Variants in MEGF11 observed in about 807,000 individuals in gnomAD.
MEGF11 encodes the protein multiple EGF like domains 11.
MEGF11 carries 126 observed loss-of-function variants against 146.6 expected under a neutral mutation model. The observed-to-expected ratio is 0.86, with a 90% CI of 0.74 to 1.00. The LOEUF is 1.00. MEGF11 is among the 50% of genes least tolerant of loss of function. MEGF11 has a pLI of 0.00. For synonymous variants in MEGF11, 532 were observed against 583.4 expected, an observed-to-expected ratio of 0.91 and a Z score of 1.27; for missense variants, 1,509 against 1,521.2, an observed-to-expected ratio of 0.99 and a Z score of 0.13.
At chr15:66,204,653 C>T (rs1230292317) in intron 1 of MEGF11, among the ~76,000 whole-genome samples, 3 of 152,146 alleles carry the variant, frequency 2.0e-5, no homozygotes, top group African/African-American at 7.2e-5. Flanking sequence ...GTCATGAGAA[C>T]TCAATAAACT....
At chr15:66,207,504 CT>C (rs1452503845) in intron 1 of MEGF11, among the ~76,000 whole-genome samples, 1 of 152,128 alleles carries the variant, frequency 6.6e-6, no homozygotes, top group Non-Finnish European at 1.5e-5. Context: ...TAAACAAAAA[CT>C]GACAGAACTC....
At chr15:66,127,393 G>A (rs1342703135) in intron 2 of MEGF11, among the ~76,000 whole-genome samples, 1 of 152,154 alleles carries the variant, frequency 6.6e-6, no homozygotes. Flanking sequence ...AAGTGTCCAG[G>A]CTACCCCAGA....
chr15:66,200,110 G>C (rs537668545), intron 1 of MEGF11, among the ~76,000 whole-genome samples: 1 of 152,314 alleles, frequency 6.6e-6, no homozygotes, highest in South Asian at 2.1e-4. Context: ...AGCCTAGAAG[G>C]AAACATACCA....
rs78363876 is a variant in MEGF11 at position 66,170,548 on chromosome 15, C to T, written c.-8-42137G>A. On this transcript the variant is annotated intron_variant, in intron 1 of 25. Transcript: ENST00000395614. ...GCCATGTGACCTCTCTGGGCTTCAG[C>T]GTCCTGTCTGTAAAATGGAGATCAA... Among the ~76,000 whole-genome samples, 66 of 152,300 alleles carry T rather than the reference C, an allele frequency of 4.3e-4. 1 individual carries two copies. The East Asian group carries it at 0.012, about 28-fold the overall frequency.
At chr15:66,235,558 G>C (rs766260093) in intron 1 of MEGF11, among the ~76,000 whole-genome samples, 32 of 151,706 alleles carry the variant, frequency 2.1e-4, no homozygotes, top group Admixed American at 3.3e-4. Flanking sequence ...CCAAGAGGGA[G>C]AATAGAAACT....
Position 65,996,109 on chromosome 15 carries a change from G to A in MEGF11, c.395-13621C>T, listed in dbSNP as rs530283989. On this transcript the variant is annotated intron_variant, in intron 5 of 25. Coordinates refer to ENST00000395614, the MANE Select transcript of MEGF11 (RefSeq NM_001385028.1). Reference sequence around the variant, plus strand: ...AGTCCAGGTCCCTCTGCTGACTTTCGGGGTGGCCTCAGGGAAGACACATCC... The same window carrying A: ...AGTCCAGGTCCCTCTGCTGACTTTCAGGGTGGCCTCAGGGAAGACACATCC... 7.2e-4 allele frequency among the ~76,000 whole-genome samples: 109 copies of A among 152,262 alleles called. 1 individual carries two copies. Among genetic ancestry groups the A allele is most frequent in the African/African-American group, 2.4e-3 (100 of 41,530 alleles).
At chr15:66,118,461 G>T (rs766071923) in intron 4 of MEGF11, among the ~76,000 whole-genome samples, 1 of 152,138 alleles carries the variant, frequency 6.6e-6, no homozygotes, top group Non-Finnish European at 1.5e-5. Context: ...TGCATTTTCT[G>T]AGCTGCTCTA....
At position 66,160,701 on chromosome 15, in the gene MEGF11, ACACACC is replaced by A. The variant is rs1283358577; in HGVS notation, c.-8-32296_-8-32291del. On this transcript the variant is annotated intron_variant, in intron 1 of 25. Coordinates refer to ENST00000395614, the MANE Select transcript of MEGF11 (RefSeq NM_001385028.1). ...CACACACACACACACACACACACAC[ACACACC>A]CTTGCCCTAGGAATTTATTCCTGCC... 1.3e-3 allele frequency among the ~76,000 whole-genome samples: 197 copies of A among 150,458 alleles called. 1 individual carries two copies. The highest frequency in any genetic ancestry group is 4.4e-3 in the African/African-American group (179 of 40,962).
chr15:65,908,164 T>C (rs2078687546), intron 23 of MEGF11, among the ~76,000 whole-genome samples: 1 of 152,172 alleles, frequency 6.6e-6, no homozygotes, highest in Non-Finnish European at 1.5e-5. Flanking sequence ...CCATGCCTGC[T>C]CAGTGGGCAG....
intron 1 of MEGF11, among the ~76,000 whole-genome samples, chr15:66,222,984 T>G (rs2091772164): frequency 6.6e-6 from 1 of 152,154 alleles, no homozygotes; most frequent in Admixed American, 6.5e-5. Context: ...ATTCCACTCC[T>G]AGGCATGTAC....
intron 5 of MEGF11, among the ~76,000 whole-genome samples, chr15:66,023,216 C>T (rs1356296394): frequency 6.6e-6 from 1 of 151,898 alleles, no homozygotes; most frequent in Non-Finnish European, 1.5e-5. Context: ...GGAGATTCCA[C>T]TCTTTCACCG....
intron 5 of MEGF11, among the ~76,000 whole-genome samples, chr15:66,053,331 G>T (rs1337970573): frequency 6.6e-6 from 1 of 152,120 alleles, no homozygotes; most frequent in African/African-American, 2.4e-5. Context: ...ACGAGGAGAT[G>T]GGGACTTAAA....
At chr15:65,937,115 G>C (rs576082279) in intron 10 of MEGF11, among the ~76,000 whole-genome samples, 1 of 152,232 alleles carries the variant, frequency 6.6e-6, no homozygotes, top group Non-Finnish European at 1.5e-5. Flanking sequence ...AAGTGGGCCC[G>C]CAAGGCAGAG....
intron 10 of MEGF11, among the ~76,000 whole-genome samples, chr15:65,955,203 C>T (rs141399411): frequency 1.7e-3 from 257 of 152,152 alleles, no homozygotes; most frequent in African/African-American, 5.6e-3. Context: ...TTTTTTAATC[C>T]CAAACAATTA....
chr15:65,899,350 G>GA (rs1270909588), intron 24 of MEGF11, among the ~76,000 whole-genome samples: 1 of 152,136 alleles, frequency 6.6e-6, no homozygotes, highest in Non-Finnish European at 1.5e-5. Context: ...CATGCCTTTG[G>GA]ACTCCTTGGC....
chr15:66,020,709 C>A (rs1345552723), intron 5 of MEGF11, among the ~76,000 whole-genome samples: 1 of 152,004 alleles, frequency 6.6e-6, no homozygotes, highest in Admixed American at 6.6e-5. Flanking sequence ...AATTACAGTG[C>A]CGGCCGGGCG....
chr15:65,986,956 G>T (rs1356766574), intron 5 of MEGF11, among the ~76,000 whole-genome samples: 1 of 151,794 alleles, frequency 6.6e-6, no homozygotes, highest in Non-Finnish European at 1.5e-5. Context: ...TTTTTTAAGT[G>T]GCTAGATTGT....
intron 5 of MEGF11, among the ~76,000 whole-genome samples, chr15:66,054,597 G>C (rs1043545631): frequency 6.6e-6 from 1 of 152,172 alleles, no homozygotes; most frequent in Non-Finnish European, 1.5e-5. Context: ...CAGAGTGAGC[G>C]GCCTGGAAAA....
chr15:66,173,253 A>G (rs2090310004), intron 1 of MEGF11, among the ~76,000 whole-genome samples: 1 of 152,292 alleles, frequency 6.6e-6, no homozygotes, highest in East Asian at 1.9e-4. Flanking sequence ...TCTGGGGTCC[A>G]AGTTTCCACC....
Sources: allele counts gnomAD v4.1 joint callset (sites outside exome capture counted in the v4.1 genomes callset), GRCh38; gene constraint gnomAD v4.1.1; transcripts MANE v1.5; gene names NCBI Gene and HGNC (gene_info 2026-07-23, HGNC 2026-07-21).